The following UBE3A variants were observed in gnomAD, a reference collection of about 807,000 sequenced individuals.
The protein encoded by UBE3A is ubiquitin protein ligase E3A.
UBE3A carries 6 observed loss-of-function variants against 83.4 expected under a neutral mutation model. The ratio of observed to expected loss-of-function variants is 0.07; its 90% CI spans 0.04 to 0.14. The LOEUF (loss-of-function observed/expected upper bound fraction) is 0.14. Among genes scored for constraint, UBE3A ranks in the 10% least tolerant of loss-of-function variants. The pLI is 1.00. For missense variants in UBE3A, 456 were observed against 1,036.1 expected, an observed-to-expected ratio of 0.44 and a Z score of 7.69; for synonymous variants, 337 against 355.4, an observed-to-expected ratio of 0.95 and a Z score of 0.58.
chr15:25,337,383 A>G lies in UBE3A; in HGVS notation c.*1754T>C, dbSNP rs2074028925. ...GCACGAAGGTCCCTTTCATCAAGGTAGCGTATGTACCCTAACAGTGTTCTA... is the reference window on the plus strand; with the variant it reads ...GCACGAAGGTCCCTTTCATCAAGGTGGCGTATGTACCCTAACAGTGTTCTA... On this transcript the variant is annotated 3_prime_UTR_variant, in exon 13 of 13. Coordinates refer to ENST00000648336, the MANE Select transcript of UBE3A (RefSeq NM_130839.5). The G allele has an allele frequency of 6.6e-6, 1 of 152,124 alleles. No individual in the cohort carries two copies. Among genetic ancestry groups the G allele is most frequent in the Non-Finnish European group, 1.5e-5 (1 of 68,004 alleles). 9.4% of individuals were successfully genotyped at this position (152,124 alleles called of 1,614,324 possible).
At chr15:25,354,322 A>G (rs1003936093) in intron 11 of UBE3A, 31 bp downstream of exon 11, 5 of 1,606,714 alleles carry the variant, frequency 3.1e-6, no homozygotes, top group Non-Finnish European at 4.3e-6. Flanking sequence ...TTGGTGAATC[A>G]AATCTTCCTC....
chr15:25,340,411 G>A (rs995240201), intron 11 of UBE3A, among the ~76,000 whole-genome samples, 183 bp from the exon 12 acceptor site: 3 of 152,048 alleles, frequency 2.0e-5, no homozygotes, highest in Admixed American at 6.5e-5. Context: ...CTCTGAATAC[G>A]TAAAAATTTA....
chr15:25,340,942 T>G (rs1373421122), intron 11 of UBE3A, among the ~76,000 whole-genome samples: 2 of 152,162 alleles, frequency 1.3e-5, no homozygotes, highest in Non-Finnish European at 2.9e-5. Context: ...TAATAAAAGC[T>G]ATGTTTTAAT....
intron 4 of UBE3A, among the ~76,000 whole-genome samples, chr15:25,388,242 T>C (rs944921664): frequency 6.6e-6 from 1 of 152,194 alleles, no homozygotes; most frequent in Non-Finnish European, 1.5e-5. Context: ...AACTAAATTT[T>C]ACTACAATGT....
At chr15:25,408,269 G>T in intron 3 of UBE3A, 1 of 324,298 alleles carries the variant, frequency 3.1e-6, no homozygotes, top group Non-Finnish European at 5.8e-6. Context: ...CAGTTCCCAA[G>T]CTTGACTTTG....
intron 11 of UBE3A, among the ~76,000 whole-genome samples, chr15:25,349,017 A>G (rs2076120195): frequency 6.6e-6 from 1 of 152,190 alleles, no homozygotes; most frequent in African/African-American, 2.4e-5. Context: ...AAGTTGTGGG[A>G]CTCACAGCAT....
At chr15:25,414,867 G>A (rs2090594177) in intron 1 of UBE3A, among the ~76,000 whole-genome samples, 1 of 152,184 alleles carries the variant, frequency 6.6e-6, no homozygotes, top group African/African-American at 2.4e-5. Context: ...ACCTGCCAGT[G>A]CAGCCTCTTC....
At chr15:25,352,734 T>TAA (rs1285632125) in intron 11 of UBE3A, among the ~76,000 whole-genome samples, 1 of 152,246 alleles carries the variant, frequency 6.6e-6, no homozygotes, top group Non-Finnish European at 1.5e-5. Flanking sequence ...GTAGACTATT[T>TAA]AATGAATTAA....
intron 4 of UBE3A, among the ~76,000 whole-genome samples, chr15:25,399,168 A>AT (rs1489641365): frequency 5.3e-5 from 8 of 151,526 alleles, no homozygotes. Context: ...CATTCTGTAG[A>AT]TTTTTTCTTT....
intron 11 of UBE3A, chr15:25,346,710 T>C (rs1026127199): frequency 6.6e-6 from 1 of 152,098 alleles, no homozygotes; most frequent in African/African-American, 2.4e-5. Context: ...ATGGAAATTA[T>C]AGACCTAAAA....
At chr15:25,381,051 G>A (rs918832475) in intron 4 of UBE3A, among the ~76,000 whole-genome samples, 1 of 152,200 alleles carries the variant, frequency 6.6e-6, no homozygotes, top group Non-Finnish European at 1.5e-5. Context: ...CACCTAGAGG[G>A]ATGTGTACTA....
At chr15:25,416,542 A>G (rs907452824) in intron 1 of UBE3A, among the ~76,000 whole-genome samples, 1 of 151,828 alleles carries the variant, frequency 6.6e-6, no homozygotes, top group African/African-American at 2.4e-5. Flanking sequence ...GCTACGCAGG[A>G]GCTGCTGCTG....
intron 4 of UBE3A, among the ~76,000 whole-genome samples, chr15:25,392,779 C>A (rs2084700953): frequency 6.6e-6 from 1 of 152,020 alleles, no homozygotes. Context: ...AAGACAATTC[C>A]AAGCACTTCA....
intron 4 of UBE3A, among the ~76,000 whole-genome samples, chr15:25,378,445 G>A (rs887556666): frequency 1.3e-5 from 2 of 152,114 alleles, no homozygotes; most frequent in Non-Finnish European, 2.9e-5. Context: ...ATAGGGAGGT[G>A]AGCAAGAAAC....
intron 7 of UBE3A, among the ~76,000 whole-genome samples, chr15:25,357,930 G>A (rs184169544): frequency 3.2e-5 from 4 of 126,424 alleles, no homozygotes; most frequent in Admixed American, 1.7e-4. Flanking sequence ...TTTTTGAGAC[G>A]GTCTCGCTCT....
chr15:25,394,374 T>C (rs2085072750), intron 4 of UBE3A, among the ~76,000 whole-genome samples: 1 of 152,190 alleles, frequency 6.6e-6, no homozygotes, highest in Non-Finnish European at 1.5e-5. Context: ...TCGAGTATAC[T>C]GGAAGCATAC....
intron 11 of UBE3A, among the ~76,000 whole-genome samples, chr15:25,350,858 AAAGT>A (rs971991764): frequency 1.3e-5 from 2 of 152,254 alleles, no homozygotes; most frequent in African/African-American, 4.8e-5. Context: ...AGAGCAGACA[AAAGT>A]AAGCTACAGT....
chr15:25,358,314 G>A (rs1240805849), intron 7 of UBE3A, among the ~76,000 whole-genome samples: 1 of 151,970 alleles, frequency 6.6e-6, no homozygotes, highest in African/African-American at 2.4e-5. Context: ...GGGAGGTGGA[G>A]GTTGCAGTGA....
intron 5 of UBE3A, 111 bp downstream of exon 5, chr15:25,375,354 A>T: frequency 1.5e-6 from 2 of 1,330,078 alleles, no homozygotes; most frequent in South Asian, 2.8e-5. Flanking sequence ...TGGTTCTACG[A>T]TATCAAAATG....
Sources: gnomAD v4.1 joint callset for allele counts (sites outside exome capture counted in the v4.1 genomes callset) on GRCh38, gnomAD v4.1.1 for gene constraint, MANE v1.5 for transcripts, NCBI Gene and HGNC (gene_info 2026-07-23, HGNC 2026-07-21) for gene names.